Variants in AP2B1 observed in about 807,000 individuals in gnomAD.
AP2B1 encodes the protein AP-2 complex subunit beta.
Under a neutral mutation model 102.0 loss-of-function variants are expected in AP2B1, and 23 were observed. The ratio of observed to expected loss-of-function variants is 0.23; its 90% confidence interval spans 0.16 to 0.32. The LOEUF (loss-of-function observed/expected upper bound fraction) is 0.32, where lower values mean the gene tolerates loss of function less well. AP2B1 is among the 10% of genes least tolerant of loss of function. The probability of loss-of-function intolerance (pLI) is 1.00; values close to 1 mark genes in which losing one functional copy is unlikely to be tolerated. For synonymous variants in AP2B1, 381 were observed against 421.2 expected, an observed-to-expected ratio of 0.90 and a Z score of 1.17; for missense variants, 541 against 1,157.4, an observed-to-expected ratio of 0.47 and a Z score of 7.73.
chr17:35,589,950 G>A (rs1444035441), intron 1 of AP2B1, among the ~76,000 whole-genome samples: 6 of 136,978 alleles, frequency 4.4e-5, no homozygotes, highest in African/African-American at 1.7e-4. Context: ...TTTTGAGACG[G>A]AGTCTCACTC....
intron 6 of AP2B1, among the ~76,000 whole-genome samples, chr17:35,625,568 G>A (rs1278344863): frequency 1.3e-5 from 2 of 152,218 alleles, no homozygotes; most frequent in East Asian, 1.9e-4. Context: ...CAGGCTCTGA[G>A]GATACAGCAG....
chr17:35,708,016 T>C (rs950142963), intron 18 of AP2B1, among the ~76,000 whole-genome samples: 4 of 152,192 alleles, frequency 2.6e-5, no homozygotes, highest in South Asian at 2.1e-4. Flanking sequence ...GAAGGTAAGT[T>C]GATACTAAAT....
At chr17:35,626,939 T>C (rs2074330805) in intron 7 of AP2B1, 97 bp downstream of exon 7, 1 of 1,187,838 alleles carries the variant, frequency 8.4e-7, no homozygotes. Flanking sequence ...CTCTTTTTAA[T>C]ATATGGAAAT....
intron 5 of AP2B1, among the ~76,000 whole-genome samples, chr17:35,608,793 C>G (rs1300462649): frequency 1.3e-5 from 2 of 152,140 alleles, no homozygotes; most frequent in Non-Finnish European, 2.9e-5. Flanking sequence ...TATTATCATG[C>G]ATTTCTCTAT....
chr17:35,638,531 G>C (rs2074674377), intron 10 of AP2B1, among the ~76,000 whole-genome samples: 1 of 152,146 alleles, frequency 6.6e-6, no homozygotes, highest in Admixed American at 6.5e-5. Flanking sequence ...GCTCACGCCT[G>C]TAATCCCAGC....
At chr17:35,675,657 G>A (rs1432848759) in intron 17 of AP2B1, among the ~76,000 whole-genome samples, 1 of 147,542 alleles carries the variant, frequency 6.8e-6, no homozygotes. Context: ...GTGGGGGGAT[G>A]GAGTCTTGCT....
At chr17:35,711,089 T>G (rs2076437917) in intron 20 of AP2B1, among the ~76,000 whole-genome samples, 1 of 152,192 alleles carries the variant, frequency 6.6e-6, no homozygotes, top group East Asian at 1.9e-4. Context: ...TATTAGTCCC[T>G]TGGGCTGTGT....
At chr17:35,635,348 C>A (rs140719020) in intron 9 of AP2B1, among the ~76,000 whole-genome samples, 1 of 152,086 alleles carries the variant, frequency 6.6e-6, no homozygotes, top group Non-Finnish European at 1.5e-5. Context: ...AGCCACTGCA[C>A]CTGGCCATAA....
At position 35,720,905 on chromosome 17, in the gene AP2B1, A is replaced by G. The variant is rs985652327; in HGVS notation, c.2782-2720A>G. Among the ~76,000 whole-genome samples the G allele has an allele frequency of 2.0e-5, 3 of 152,050 alleles. No individual in the cohort carries two copies. The East Asian group carries it at 5.8e-4, about 29-fold the overall frequency. On this transcript the variant is annotated intron_variant, in intron 21 of 21. Transcript: ENST00000610402. ...TAAGTGGCACCCTTTTAGTCATTAG[A>G]CTAAAAGAAGAGGTGGTGGTAGAGG...
At chr17:35,661,421 C>T (rs1316901354) in intron 14 of AP2B1, among the ~76,000 whole-genome samples, 4 of 152,162 alleles carry the variant, frequency 2.6e-5, no homozygotes. Flanking sequence ...AAAAACTGAT[C>T]TCTAAGCCAA....
chr17:35,633,531 A>G (rs1226193574), intron 9 of AP2B1, among the ~76,000 whole-genome samples: 2 of 152,178 alleles, frequency 1.3e-5, no homozygotes, highest in South Asian at 2.1e-4. Context: ...CAGGTGTACA[A>G]TAAAGTAAAA....
chr17:35,703,135 G>T (rs983590850), intron 18 of AP2B1, among the ~76,000 whole-genome samples: 1 of 152,022 alleles, frequency 6.6e-6, no homozygotes, highest in African/African-American at 2.4e-5. Context: ...AGCCGGGCGT[G>T]GTGGCCAGCG....
At chr17:35,694,469 C>G (rs1339306842) in intron 18 of AP2B1, among the ~76,000 whole-genome samples, 1 of 148,078 alleles carries the variant, frequency 6.8e-6, no homozygotes, top group Non-Finnish European at 1.5e-5. Context: ...CTATGTTTCC[C>G]AGGCTGGTCT....
At chr17:35,622,130 G>A (rs568491251) in intron 5 of AP2B1, among the ~76,000 whole-genome samples, 1 of 152,138 alleles carries the variant, frequency 6.6e-6, no homozygotes, top group Non-Finnish European at 1.5e-5. Context: ...GATAGAGTTA[G>A]CAAACAAAAA....
intron 5 of AP2B1, among the ~76,000 whole-genome samples, chr17:35,623,173 A>C (rs771322432): frequency 6.6e-5 from 10 of 151,196 alleles, no homozygotes; most frequent in Non-Finnish European, 1.3e-4. Flanking sequence ...TCTTAAAATT[A>C]ATTTGTAATT....
intron 13 of AP2B1, chr17:35,651,005 G>A (rs566920245): frequency 1.3e-4 from 67 of 522,478 alleles, no homozygotes; most frequent in African/African-American, 1.2e-3. Flanking sequence ...ACATAAAATC[G>A]GTGAAAGACT....
chr17:35,610,458 A>G (rs1345852143), intron 5 of AP2B1, among the ~76,000 whole-genome samples: 2 of 152,032 alleles, frequency 1.3e-5, no homozygotes, highest in Non-Finnish European at 2.9e-5. Context: ...CCTTTTTAAA[A>G]ATTACATAAA....
intron 14 of AP2B1, among the ~76,000 whole-genome samples, chr17:35,670,186 C>G (rs1225086179): frequency 1.3e-5 from 2 of 152,158 alleles, no homozygotes; most frequent in Non-Finnish European, 2.9e-5. Flanking sequence ...CCACATTTCT[C>G]CTTAGTAGAA....
chr17:35,604,766 A>G (rs1235902315), intron 3 of AP2B1, among the ~76,000 whole-genome samples: 1 of 152,196 alleles, frequency 6.6e-6, no homozygotes, highest in Non-Finnish European at 1.5e-5. Flanking sequence ...TCAAAAAGAA[A>G]AAAAAGGATT....
Sources: allele counts gnomAD v4.1 joint callset (sites outside exome capture counted in the v4.1 genomes callset), GRCh38; gene constraint gnomAD v4.1.1; transcripts MANE v1.5; gene names NCBI Gene and HGNC (gene_info 2026-07-23, HGNC 2026-07-21).